NPAS3: variants seen among roughly 807,000 people sequenced by gnomAD.
NPAS3 encodes the protein neuronal PAS domain-containing protein 3.
NPAS3 carries 14 observed loss-of-function variants against 73.1 expected under a neutral mutation model. The observed-to-expected ratio is 0.19, with a 90% CI of 0.13 to 0.30. NPAS3 has a LOEUF of 0.30. Ranked by LOEUF, NPAS3 falls within the 10% of genes least tolerant of loss-of-function variation. The pLI, the probability that NPAS3 is intolerant of heterozygous loss-of-function variation, is 1.00. For missense variants in NPAS3, 1,096 were observed against 1,250.0 expected, an observed-to-expected ratio of 0.88 and a Z score of 1.86; for synonymous variants, 620 against 541.5, an observed-to-expected ratio of 1.14 and a Z score of -2.01.
Position 33,800,565 on chromosome 14 carries a change from C to T in NPAS3, c.2258C>T (p.Ala753Val), listed in dbSNP as rs1308936706. 2 of 1,316,008 alleles carry T rather than the reference C, an allele frequency of 1.5e-6. No individual in the cohort carries two copies. Among genetic ancestry groups the T allele is most frequent in the African/African-American group, 1.6e-5 (1 of 64,236 alleles). 81.5% of individuals were successfully genotyped at this position (1,316,008 alleles called of 1,614,324 possible). ...GACCCGCTGTCACCCCCGCTCTCGG[C>T]GTCCCCGCGGGACAAGCACCCCGGG... Residue 753 changes from alanine to valine, a missense_variant, in exon 12 of 12, where the codon GCG (alanine) becomes GTG (valine). By Grantham distance (64) the Ala-to-Val change is moderately conservative. This residue lies in a region of NPAS3 where 698 missense variants were observed against 676.7 expected (regional missense o/e 1.03). Transcript: ENST00000356141. The surrounding 1 kb of genome is among the most constrained non-coding windows in gnomAD (Gnocchi z 6.5).
At chr14:33,768,941 A>C (rs2062552607) in intron 7 of NPAS3, among the ~76,000 whole-genome samples, 1 of 152,160 alleles carries the variant, frequency 6.6e-6, no homozygotes, top group African/African-American at 2.4e-5. Flanking sequence ...ATATGTTAGC[A>C]CTGGGATTGG....
chr14:33,308,510 TTATA>T (rs67518761), intron 3 of NPAS3, among the ~76,000 whole-genome samples: 1 of 83,540 alleles, frequency 1.2e-5, no homozygotes, highest in African/African-American at 6.1e-5. Flanking sequence ...ATTGCATAGT[TTATA>T]TATATATATA....
chr14:33,452,195 C>T (rs2049822183), intron 4 of NPAS3, among the ~76,000 whole-genome samples: 1 of 152,088 alleles, frequency 6.6e-6, no homozygotes, highest in Non-Finnish European at 1.5e-5. Flanking sequence ...CTACTTAGAC[C>T]ACCCAGGCTC....
intron 6 of NPAS3, 85 bp from the exon 7 acceptor site, chr14:33,735,129 A>C (rs2061490331): frequency 1.1e-6 from 1 of 872,654 alleles, no homozygotes; most frequent in South Asian, 1.4e-5. Flanking sequence ...ATTTTTAGTG[A>C]ACTCAAGGAT....
At chr14:33,552,487 T>G (rs1379176697) in intron 4 of NPAS3, among the ~76,000 whole-genome samples, 1 of 152,126 alleles carries the variant, frequency 6.6e-6, no homozygotes, top group Non-Finnish European at 1.5e-5. Flanking sequence ...GAATACTGAG[T>G]GAACTGAGCA....
intron 4 of NPAS3, among the ~76,000 whole-genome samples, chr14:33,544,571 G>A (rs1192492848): frequency 6.6e-6 from 1 of 151,096 alleles, no homozygotes; most frequent in Admixed American, 6.6e-5. Context: ...GCCATGTGAG[G>A]ACACAGCAAA....
chr14:33,665,469 A>G (rs926110435), intron 5 of NPAS3, among the ~76,000 whole-genome samples: 1 of 152,162 alleles, frequency 6.6e-6, no homozygotes, highest in African/African-American at 2.4e-5. Context: ...AAAACAAAAC[A>G]GGATGACTTT....
At chr14:33,097,790 A>G (rs2042465532) in intron 2 of NPAS3, among the ~76,000 whole-genome samples, 2 of 152,298 alleles carry the variant, frequency 1.3e-5, no homozygotes, top group African/African-American at 4.8e-5. Context: ...TTTATGAGCC[A>G]CTTAGTGTTA....
intron 1 of NPAS3, among the ~76,000 whole-genome samples, chr14:33,003,045 A>G (rs928250896): frequency 7.3e-5 from 11 of 151,656 alleles, no homozygotes; most frequent in African/African-American, 2.7e-4. Flanking sequence ...AATACAAATG[A>G]TGATTTCATT....
intron 2 of NPAS3, among the ~76,000 whole-genome samples, chr14:33,155,567 G>A (rs1362586864): frequency 2.0e-5 from 3 of 152,244 alleles, no homozygotes; most frequent in Admixed American, 1.3e-4. Flanking sequence ...TCTTTATTCC[G>A]AGTAGAGATT....
chr14:33,222,041 T>C (rs1309304694), intron 3 of NPAS3, among the ~76,000 whole-genome samples: 2 of 152,106 alleles, frequency 1.3e-5, no homozygotes, highest in African/African-American at 4.8e-5. Context: ...TGGACAGCTG[T>C]GTAGAAATAT....
chr14:33,543,947 A>T (rs1375806989), intron 4 of NPAS3, among the ~76,000 whole-genome samples: 2 of 700 alleles, frequency 2.9e-3, no homozygotes, highest in Non-Finnish European at 8.1e-3. Flanking sequence ...GGCAAAGTGC[A>T]TATATATATA....
intron 4 of NPAS3, among the ~76,000 whole-genome samples, chr14:33,530,111 A>G (rs551408303): frequency 6.6e-6 from 1 of 152,120 alleles, no homozygotes; most frequent in Non-Finnish European, 1.5e-5. Context: ...ATTATATTTA[A>G]TGCATAAAAT....
chr14:33,609,077 TCTGTTCAGTTTCATTTCGGCA>T (rs2057667474), intron 5 of NPAS3, among the ~76,000 whole-genome samples: 1 of 152,216 alleles, frequency 6.6e-6, no homozygotes, highest in Non-Finnish European at 1.5e-5. Context: ...CAAGATTACA[TCTGTTCAGTTTCATTTCGGCA>T]CTGAACTTTC....
chr14:33,222,689 T>G (rs1463044739), intron 3 of NPAS3, among the ~76,000 whole-genome samples: 1 of 152,054 alleles, frequency 6.6e-6, no homozygotes, highest in East Asian at 1.9e-4. Context: ...CCTTGTACAA[T>G]ACCTATGAAA....
intron 2 of NPAS3, among the ~76,000 whole-genome samples, chr14:33,091,509 A>G (rs2042223202): frequency 6.6e-6 from 1 of 152,168 alleles, no homozygotes; most frequent in South Asian, 2.1e-4. Flanking sequence ...TAGCCTACCA[A>G]CCAAAAAATG....
intron 6 of NPAS3, among the ~76,000 whole-genome samples, chr14:33,713,846 ATC>A (rs2060886690): frequency 6.6e-6 from 1 of 152,132 alleles, no homozygotes; most frequent in Non-Finnish European, 1.5e-5. Context: ...ACATCTCAGC[ATC>A]TCTCTGCTTT....
chr14:33,160,076 C>T (rs2044805842), intron 2 of NPAS3, among the ~76,000 whole-genome samples: 1 of 152,106 alleles, frequency 6.6e-6, no homozygotes, highest in South Asian at 2.1e-4. Flanking sequence ...CACATTATGA[C>T]AAATTTAAGG....
intron 3 of NPAS3, among the ~76,000 whole-genome samples, chr14:33,247,160 TTCTA>T (rs1018926853): frequency 2.1e-5 from 3 of 144,574 alleles, no homozygotes; most frequent in African/African-American, 7.5e-5. Context: ...TTAATGTACA[TTCTA>T]TCTTAGAATA....
Sources: gnomAD v4.1 joint callset for allele counts (sites outside exome capture counted in the v4.1 genomes callset) on GRCh38, gnomAD v4.1.1 for gene constraint, gnomAD v4.1.1 regional missense constraint, Gnocchi (gnomAD v3.1) non-coding constraint, MANE v1.5 for transcripts, NCBI Gene and HGNC (gene_info 2026-07-23, HGNC 2026-07-21) for gene names.